ZNF700: variants seen among roughly 807,000 people sequenced by gnomAD.
ZNF700 encodes zinc finger protein 700.
Under a neutral mutation model 65.3 loss-of-function variants are expected in ZNF700, and 38 were observed. The ratio of observed to expected loss-of-function variants is 0.58; its 90% CI spans 0.45 to 0.76. The LOEUF is 0.76. ZNF700 is among the 30% of genes least tolerant of loss of function. ZNF700 has a pLI of 0.00. For missense variants in ZNF700, 857 were observed against 888.4 expected (o/e 0.96, Z 0.45); for synonymous variants, 285 against 290.4 (o/e 0.98, Z 0.19).
intron 1 of ZNF700, among the ~76,000 whole-genome samples, chr19:11,945,638 C>T (rs1972947822): frequency 6.6e-6 from 1 of 152,040 alleles, no homozygotes; most frequent in Non-Finnish European, 1.5e-5. Flanking sequence ...TGTCTTCTGC[C>T]CACACCTTTG....
At chr19:11,947,433 G>A in intron 2 of ZNF700, 81 bp from the exon 3 acceptor site, 1 of 1,599,624 alleles carries the variant, frequency 6.3e-7, no homozygotes, top group Non-Finnish European at 8.5e-7. Flanking sequence ...CATGGCTGCA[G>A]TAAATCATGG....
In ZNF700 at chr19:11,947,320, A is replaced by G. The variant is rs1972975885; in HGVS notation, c.190+13A>G. 5 of 1,613,356 alleles carry G rather than the reference A, an allele frequency of 3.1e-6. No homozygotes were observed. The highest frequency in any genetic ancestry group is 2.7e-5 in the African/African-American group (2 of 74,886). On this transcript the variant is annotated intron_variant, in intron 2 of 3. Transcript: ENST00000254321. ...CTGACCTCTATAGGTAAGGATGACA[A>G]TATTCCTTCCGTCAGTGCATTAGCA...
In ZNF700 at chr19:11,949,985, A is replaced by T; in HGVS notation, c.1961A>T (p.Glu654Val). ...GEKPYECKEC[E>V]KAFCKFSSFQ... is the part of the protein sequence containing the mutation. Reference sequence around the variant, plus strand: ...AAACCCTATGAATGTAAGGAATGCGAAAAAGCATTCTGTAAATTCTCTTCT... The same window carrying T: ...AAACCCTATGAATGTAAGGAATGCGTAAAAGCATTCTGTAAATTCTCTTCT... The change falls in exon 4 of 4, where the codon GAA (glutamate) becomes GTA (valine). Residue 654 changes from glutamate (E) to valine (V), a missense_variant. Coordinates refer to ENST00000254321, the MANE Select transcript of ZNF700 (RefSeq NM_144566.3). 1.2e-6 allele frequency: 2 copies of T among 1,613,606 alleles called. No individual in the cohort carries two copies. The highest frequency in any genetic ancestry group is 1.7e-6 in the Non-Finnish European group (2 of 1,179,844).
In ZNF700 at chr19:11,949,283, G is replaced by A; in HGVS notation, c.1259G>A (p.Cys420Tyr). The A allele has an allele frequency of 1.2e-6, 2 of 1,614,170 alleles. No individual in the cohort carries two copies. The highest frequency in any genetic ancestry group is 3.3e-4 in the Middle Eastern group (2 of 6,062). ...RIHTGEKPYE[C>Y]KQCGKAFRSA... ...CACACTGGAGAGAAACCCTATGAGT[G>A]TAAGCAGTGTGGGAAAGCCTTCAGA... Residue 420 changes from cysteine (C) to tyrosine (Y), a missense_variant, in exon 4 of 4, where the codon TGT becomes TAT. By Grantham distance (194) the Cys-to-Tyr change is radical. This residue lies in a region of ZNF700 where 603 missense variants were observed against 619.9 expected (regional missense o/e 0.97). Transcript: ENST00000254321.
At chr19:11,941,449 G>C (rs1972882122) in intron 1 of ZNF700, among the ~76,000 whole-genome samples, 1 of 152,342 alleles carries the variant, frequency 6.6e-6, no homozygotes, top group Middle Eastern at 3.4e-3. Flanking sequence ...CCGTGGGAAG[G>C]CAGCTAAGGC....
rs550542803 is a variant in ZNF700 at position 11,932,933 on chromosome 19, G to A, written c.63+7660G>A. Among the ~76,000 whole-genome samples, 5 of 148,374 alleles carry A rather than the reference G, an allele frequency of 3.4e-5. 2 individuals are homozygous for A. Among genetic ancestry groups the A allele is most frequent in the South Asian group, 2.1e-4 (1 of 4,788 alleles). ...ATTACAGGCGTGAGCCACTGCACCC[G>A]GCCAATATGTGATATTTTATATTGG... is the stretch of plus-strand genomic sequence containing the variant. On this transcript the variant is annotated intron_variant, in intron 1 of 3. Transcript: ENST00000254321.
At position 11,949,083 on chromosome 19, in the gene ZNF700, A is replaced by G; in HGVS notation, c.1059A>G (p.Ile353Met). The change falls in exon 4 of 4, where the codon ATA becomes ATG. Residue 353 changes from isoleucine to methionine, a missense_variant. By Grantham distance (10) the Ile-to-Met change is conservative. Coordinates refer to ENST00000254321, the MANE Select transcript of ZNF700 (RefSeq NM_144566.3). ...LSYLISFQTH[I>M]RMNSGERPYK... ...ATCTTATAAGTTTTCAAACACACATAAGAATGAACTCTGGAGAAAGACCTT... is the reference window on the plus strand; with the variant it reads ...ATCTTATAAGTTTTCAAACACACATGAGAATGAACTCTGGAGAAAGACCTT... 1 of 1,610,828 alleles carries G rather than the reference A, an allele frequency of 6.2e-7. No homozygotes were observed. Among genetic ancestry groups the G allele is most frequent in the South Asian group, 1.1e-5 (1 of 90,360 alleles).
chr19:11,927,446 A>AT (rs1034683932), intron 1 of ZNF700, among the ~76,000 whole-genome samples: 26 of 150,954 alleles, frequency 1.7e-4, no homozygotes, highest in Non-Finnish European at 3.0e-4. Flanking sequence ...AAATAAATAA[A>AT]TAAATAAATA....
At position 11,949,011 on chromosome 19, in the gene ZNF700, T is replaced by A; in HGVS notation, c.987T>A (p.Ser329=). 3 of 1,605,732 alleles carry A rather than the reference T, an allele frequency of 1.9e-6. No individual in the cohort carries two copies. Among genetic ancestry groups the A allele is most frequent in the Non-Finnish European group, 2.5e-6 (3 of 1,178,260 alleles). ...SSLRRHERTH[S]GKKPYECKQY... ...TTCGTAGACATGAAAGGACCCACTCTGGGAAAAAACCGTATGAATGTAAGC... is the reference window on the plus strand; with the variant it reads ...TTCGTAGACATGAAAGGACCCACTCAGGGAAAAAACCGTATGAATGTAAGC... The change falls in exon 4 of 4, where the codon TCT becomes TCA. Residue 329 remains serine, a synonymous_variant. Transcript: ENST00000254321.
Position 11,947,182 on chromosome 19 carries a change from A to G in ZNF700, c.65A>G (p.Asp22Gly), listed in dbSNP as rs1394235460. 6.2e-7 allele frequency: 1 copy of G among 1,613,560 alleles called. No individual in the cohort carries two copies. Reference protein sequence around the residue: ...DPGTSESREMDPVAFEDVAVN... With the variant: ...DPGTSESREMGPVAFEDVAVN... Reference sequence around the variant, plus strand: ...CTCTACACATGTGAGATGTTTCAGGACCCAGTGGCCTTTGAGGATGTGGCT... The same window carrying G: ...CTCTACACATGTGAGATGTTTCAGGGCCCAGTGGCCTTTGAGGATGTGGCT... Residue 22 changes from aspartate to glycine, a missense_variant and splice_region_variant, in exon 2 of 4, where the codon GAC becomes GGC. By Grantham distance (94) the Asp-to-Gly change is moderately conservative. Coordinates refer to ENST00000254321, the MANE Select transcript of ZNF700 (RefSeq NM_144566.3).
At chr19:11,930,915 C>G (rs1972703510) in intron 1 of ZNF700, among the ~76,000 whole-genome samples, 1 of 146,998 alleles carries the variant, frequency 6.8e-6, no homozygotes, top group Non-Finnish European at 1.5e-5. Flanking sequence ...AGGAGAATCA[C>G]TTGAACCTGG....
Position 11,947,224 on chromosome 19 carries a change from A to T in ZNF700, c.107A>T (p.Glu36Val). ...GATGTGGCTGTGAACTTCACCCAGG[A>T]AGAGTGGACATTGCTGGATATTTCC... is the stretch of plus-strand genomic sequence containing the variant. Reference protein sequence around the residue: ...FEDVAVNFTQEEWTLLDISQK... With the variant: ...FEDVAVNFTQVEWTLLDISQK... The change falls in exon 2 of 4, where the codon GAA becomes GTA. Residue 36 changes from glutamate to valine, a missense_variant. This residue lies in a region of ZNF700 where 603 missense variants were observed against 619.9 expected (regional missense o/e 0.97). Transcript: ENST00000254321. The T allele has an allele frequency of 6.2e-7, 1 of 1,614,038 alleles. No homozygotes were observed. The highest frequency in any genetic ancestry group is 8.5e-7 in the Non-Finnish European group (1 of 1,180,000).
intron 1 of ZNF700, among the ~76,000 whole-genome samples, chr19:11,936,755 T>A: frequency 6.6e-6 from 1 of 152,146 alleles, no homozygotes. Context: ...AGTCATGAAG[T>A]CCTTGCCCAT....
At chr19:11,945,088 C>T (rs1972939752) in intron 1 of ZNF700, among the ~76,000 whole-genome samples, 2 of 152,216 alleles carry the variant, frequency 1.3e-5, no homozygotes, top group African/African-American at 4.8e-5. Context: ...CTCCAACTGC[C>T]TTTTTTTCTT....
At chr19:11,928,001 A>G (rs1972657386) in intron 1 of ZNF700, among the ~76,000 whole-genome samples, 1 of 146,062 alleles carries the variant, frequency 6.8e-6, no homozygotes, top group African/African-American at 2.5e-5. Context: ...AGATACAACA[A>G]TTTTTTTTTT....
intron 2 of ZNF700, 34 bp downstream of exon 2, chr19:11,947,341 T>C (rs369785327): frequency 1.5e-5 from 24 of 1,612,294 alleles, no homozygotes; most frequent in Non-Finnish European, 2.0e-5. Flanking sequence ...GTCAGTGCAT[T>C]AGCAAACCAG....
chr19:11,945,948 G>A (rs1056484863), intron 1 of ZNF700, among the ~76,000 whole-genome samples: 8 of 152,090 alleles, frequency 5.3e-5, no homozygotes, highest in Admixed American at 6.6e-5. Context: ...GTGTGGCTTC[G>A]ATTATATCAA....
At position 11,949,457 on chromosome 19, in the gene ZNF700, A is replaced by C; in HGVS notation, c.1433A>C (p.Glu478Ala). The C allele has an allele frequency of 6.2e-7, 1 of 1,613,132 alleles. No individual in the cohort carries two copies. Among genetic ancestry groups the C allele is most frequent in the African/African-American group, 1.3e-5 (1 of 74,850 alleles). Residue 478 changes from glutamate to alanine, a missense_variant, in exon 4 of 4, where the codon GAA (glutamate) becomes GCA (alanine). Coordinates refer to ENST00000254321, the MANE Select transcript of ZNF700 (RefSeq NM_144566.3). Reference sequence around the variant, plus strand: ...GGAGAGAAACCCTATGAATGTAAGGAATGTGGGAAAGCCTTCAGATATGTG... The same window carrying C: ...GGAGAGAAACCCTATGAATGTAAGGCATGTGGGAAAGCCTTCAGATATGTG... ...HTGEKPYECKECGKAFRYVKH... is the reference protein window; with the variant it reads ...HTGEKPYECKACGKAFRYVKH...
In ZNF700 at chr19:11,927,952, T is replaced by A. The variant is rs529560076; in HGVS notation, c.63+2679T>A. Among the ~76,000 whole-genome samples the A allele has an allele frequency of 3.3e-5, 5 of 152,204 alleles. No homozygotes were observed. In the South Asian group the frequency reaches 1.0e-3, roughly 32 times the overall value. ...CTTGTATAGGCAAAAGGCAAATAAATGTAACAGGATTATGTTTTCCATAGA... is the reference window on the plus strand; with the variant it reads ...CTTGTATAGGCAAAAGGCAAATAAAAGTAACAGGATTATGTTTTCCATAGA... On this transcript the variant is annotated intron_variant, in intron 1 of 3. Coordinates refer to ENST00000254321, the MANE Select transcript of ZNF700 (RefSeq NM_144566.3).
Sources: gnomAD v4.1 joint callset for allele counts (sites outside exome capture counted in the v4.1 genomes callset) on GRCh38, gnomAD v4.1.1 for gene constraint, gnomAD v4.1.1 regional missense constraint, MANE v1.5 for transcripts, NCBI Gene and HGNC (gene_info 2026-07-23, HGNC 2026-07-21) for gene names.